VGLL4: variants seen among roughly 807,000 people sequenced by gnomAD.
VGLL4 encodes transcription cofactor vestigial-like protein 4.
In VGLL4, 7 loss-of-function variants were observed where a neutral mutation model predicts 21.0. The observed-to-expected ratio is 0.33, with a 90% CI of 0.19 to 0.63. VGLL4 has a LOEUF of 0.63. Among genes scored for constraint, VGLL4 ranks in the 20% least tolerant of loss-of-function variants. The pLI is 0.78. For missense variants in VGLL4, 394 were observed against 425.7 expected (o/e 0.93, Z 0.66); for synonymous variants, 222 against 173.2 (o/e 1.28, Z -2.21).
intron 1 of VGLL4, among the ~76,000 whole-genome samples, chr3:11,624,221 AT>A (rs1284189958): frequency 2.0e-5 from 3 of 152,176 alleles, no homozygotes; most frequent in Non-Finnish European, 4.4e-5. Context: ...ACGATATGTC[AT>A]TTTAGCGTGC....
intron 2 of VGLL4, among the ~76,000 whole-genome samples, chr3:11,590,305 A>C (rs1260004137): frequency 1.3e-5 from 2 of 152,218 alleles, no homozygotes; most frequent in Admixed American, 1.3e-4. Flanking sequence ...TTCAGTTCTC[A>C]GATGTGCTTC....
intron 2 of VGLL4, among the ~76,000 whole-genome samples, chr3:11,578,408 G>A (rs954280971): frequency 1.3e-5 from 2 of 152,146 alleles, no homozygotes; most frequent in African/African-American, 4.8e-5. Flanking sequence ...ACAACTGCCT[G>A]AATGCCAGCC....
In VGLL4 at chr3:11,643,586, T is replaced by C; in HGVS notation, c.-68A>G. On this transcript the variant is annotated 5_prime_UTR_variant, in exon 1 of 5. Transcript: ENST00000430365. ...AAAAGAGTTAAGTTTCAAAAATCAA[T>C]TGTTGCTGAGTAGCTCCTGGCTCTT... is the stretch of plus-strand genomic sequence containing the variant. 1 of 1,608,610 alleles carries C rather than the reference T, an allele frequency of 6.2e-7. No homozygotes were observed. Among genetic ancestry groups the C allele is most frequent in the East Asian group, 2.2e-5 (1 of 44,824 alleles).
rs147797481 is a variant in VGLL4, at chr3:11,681,875, T to C, written c.64+21096A>G. Among the ~76,000 whole-genome samples, 1,151 of 152,220 alleles carry C rather than the reference T, an allele frequency of 7.6e-3. 7 individuals are homozygous for C. Among genetic ancestry groups the C allele is most frequent in the South Asian group, 0.019 (90 of 4,820 alleles). ...AGGTCCTGAAACAGGGCGACGGCCA[T>C]AACAGTGCGAGGGAAACAGGTGACA... On this transcript the variant is annotated intron_variant, in intron 2 of 5. Transcript: ENST00000273038.
chr3:11,583,399 A>G (rs532277657), intron 2 of VGLL4, among the ~76,000 whole-genome samples: 1 of 152,352 alleles, frequency 6.6e-6, no homozygotes, highest in East Asian at 1.9e-4. Flanking sequence ...CACTGTCTAT[A>G]GCAACAGTGT....
intron 1 of VGLL4, among the ~76,000 whole-genome samples, chr3:11,623,376 T>C (rs2075299954): frequency 6.6e-6 from 1 of 152,176 alleles, no homozygotes; most frequent in Non-Finnish European, 1.5e-5. Flanking sequence ...AATCCACACA[T>C]ACCCAAGTCT....
chr3:11,595,289 C>G (rs2074608794), intron 2 of VGLL4, among the ~76,000 whole-genome samples: 1 of 152,086 alleles, frequency 6.6e-6, no homozygotes, highest in East Asian at 1.9e-4. Context: ...CAATGAGATA[C>G]CATCTCACAC....
intron 4 of VGLL4, among the ~76,000 whole-genome samples, chr3:11,559,115 G>A (rs2072722480): frequency 6.6e-6 from 1 of 152,242 alleles, no homozygotes; most frequent in South Asian, 2.1e-4. Context: ...ACTAGGGCAT[G>A]AGACCCTGGA....
rs76764238 is a variant in VGLL4, at chr3:11,633,856, A to G, written c.82+9581T>C. Among the ~76,000 whole-genome samples the G allele has an allele frequency of 5.3e-3, 801 of 152,308 alleles. 3 individuals carry two copies. Among genetic ancestry groups the G allele is most frequent in the African/African-American group, 0.019 (772 of 41,552 alleles). On this transcript the variant is annotated intron_variant, in intron 1 of 4. Transcript: ENST00000430365. ...TGTGGACTGCAGGGTGTGAGCGAAC[A>G]TGGAAAGTAAGGCTGAAGAGGTAAG...
chr3:11,635,489 A>G (rs1157970364), intron 1 of VGLL4, among the ~76,000 whole-genome samples: 1 of 152,208 alleles, frequency 6.6e-6, no homozygotes, highest in Non-Finnish European at 1.5e-5. Context: ...TATTTTCTCT[A>G]AGATATAGAG....
At chr3:11,679,615 G>A (rs2076342219) in intron 2 of VGLL4, among the ~76,000 whole-genome samples, 2 of 152,016 alleles carry the variant, frequency 1.3e-5, no homozygotes, top group African/African-American at 2.4e-5. Context: ...CCTGGGAGGC[G>A]GAGCTTGCAG....
intron 2 of VGLL4, among the ~76,000 whole-genome samples, chr3:11,655,418 A>T (rs6780610): frequency 0.086 from 13,013 of 152,174 alleles, 770 homozygotes; most frequent in African/African-American, 0.17. Flanking sequence ...CCTAACAAAC[A>T]GCCTGGCTTC....
At chr3:11,597,736 C>CG (rs2074680866) in intron 2 of VGLL4, among the ~76,000 whole-genome samples, 1 of 152,106 alleles carries the variant, frequency 6.6e-6, no homozygotes, top group Non-Finnish European at 1.5e-5. Flanking sequence ...GGATTTGCCC[C>CG]ATCTCCTGGA....
chr3:11,601,406 T>C (rs2074793727), intron 2 of VGLL4, among the ~76,000 whole-genome samples: 1 of 152,228 alleles, frequency 6.6e-6, no homozygotes, highest in Non-Finnish European at 1.5e-5. Context: ...GTAAGAACTT[T>C]ACAGACGTCT....
intron 1 of VGLL4, among the ~76,000 whole-genome samples, chr3:11,619,784 T>C (rs73027141): frequency 0.018 from 2,783 of 152,298 alleles, 36 homozygotes; most frequent in South Asian, 0.042. Context: ...GAGGCCCCTC[T>C]AGGCAGCAAA....
At chr3:11,592,672 A>T (rs2074530023) in intron 2 of VGLL4, among the ~76,000 whole-genome samples, 1 of 152,216 alleles carries the variant, frequency 6.6e-6, no homozygotes, top group Non-Finnish European at 1.5e-5. Flanking sequence ...TAGCATAAAT[A>T]TCCCATGGTG....
intron 1 of VGLL4, among the ~76,000 whole-genome samples, chr3:11,703,330 G>T (rs1014668881): frequency 7.2e-5 from 11 of 152,320 alleles, no homozygotes; most frequent in African/African-American, 2.6e-4. Flanking sequence ...GTTATTTGGT[G>T]CTTATGTTTA....
intron 2 of VGLL4, among the ~76,000 whole-genome samples, chr3:11,666,776 G>T (rs944721408): frequency 2.0e-5 from 3 of 152,160 alleles, no homozygotes; most frequent in African/African-American, 7.2e-5. Flanking sequence ...AAACCTACAG[G>T]CTTCTAAGGC....
At chr3:11,593,090 G>A (rs2074541056) in intron 2 of VGLL4, among the ~76,000 whole-genome samples, 1 of 152,136 alleles carries the variant, frequency 6.6e-6, no homozygotes, top group Non-Finnish European at 1.5e-5. Flanking sequence ...CAGGGTCAAG[G>A]GACTAAAATA....
Sources: allele counts gnomAD v4.1 joint callset (sites outside exome capture counted in the v4.1 genomes callset), GRCh38; gene constraint gnomAD v4.1.1; transcripts MANE v1.5; gene names NCBI Gene and HGNC (gene_info 2026-07-23, HGNC 2026-07-21).